Variants in STAG1 observed in about 807,000 individuals in gnomAD.
STAG1 encodes cohesin subunit SA-1.
STAG1 carries 26 observed loss-of-function variants against 170.9 expected under a neutral mutation model. That is an observed-to-expected ratio of 0.15 (90% CI 0.11 to 0.21). The LOEUF (loss-of-function observed/expected upper bound fraction) is 0.21, where lower values mean the gene tolerates loss of function less well. STAG1 is among the 10% of genes least tolerant of loss of function. The probability of loss-of-function intolerance (pLI) is 1.00; values close to 1 mark genes in which losing one functional copy is unlikely to be tolerated. For synonymous variants in STAG1, 514 were observed against 497.7 expected (o/e 1.03, Z -0.44); for missense variants, 964 against 1,509.5 (o/e 0.64, Z 5.99).
intron 1 of STAG1, among the ~76,000 whole-genome samples, chr3:136,718,718 A>G (rs1303986062): frequency 1.3e-5 from 2 of 152,106 alleles, no homozygotes; most frequent in African/African-American, 4.8e-5. Context: ...TGAGGTCCGG[A>G]GTTTGAGACC....
At chr3:136,368,387 T>G (rs966438863) in intron 24 of STAG1, among the ~76,000 whole-genome samples, 3 of 152,186 alleles carry the variant, frequency 2.0e-5, no homozygotes, top group Non-Finnish European at 4.4e-5. Context: ...CAATTTTCAC[T>G]AGTGAGGTTT....
chr3:136,342,652 T>C (rs1186552262), intron 30 of STAG1, among the ~76,000 whole-genome samples: 2 of 152,280 alleles, frequency 1.3e-5, no homozygotes, highest in African/African-American at 2.4e-5. Context: ...CATACATTTA[T>C]AGGATGTAAA....
At chr3:136,734,370 G>A (rs894027328) in intron 1 of STAG1, among the ~76,000 whole-genome samples, 26 of 152,096 alleles carry the variant, frequency 1.7e-4, no homozygotes, top group Non-Finnish European at 3.2e-4. Context: ...CTAAGATTGA[G>A]GAGGCAGACA....
At chr3:136,513,915 T>C (rs1346385075) in intron 7 of STAG1, among the ~76,000 whole-genome samples, 1 of 152,044 alleles carries the variant, frequency 6.6e-6, no homozygotes, top group Non-Finnish European at 1.5e-5. Context: ...AAATGAGGCA[T>C]AATTTTAAAA....
At chr3:136,528,495 C>CA (rs1553740664) in intron 6 of STAG1, among the ~76,000 whole-genome samples, 4 of 72,048 alleles carry the variant, frequency 5.6e-5, no homozygotes, top group African/African-American at 2.0e-4. Context: ...TGTCCCCGCA[C>CA]CCCCCCCCCC....
chr3:136,714,266 G>A (rs1256599829), intron 1 of STAG1, among the ~76,000 whole-genome samples: 1 of 152,084 alleles, frequency 6.6e-6, no homozygotes, highest in East Asian at 1.9e-4. Flanking sequence ...ACAGTATTTA[G>A]CAATAAAGAC....
chr3:136,541,391 T>A (rs1935891626), intron 6 of STAG1, among the ~76,000 whole-genome samples: 1 of 152,136 alleles, frequency 6.6e-6, no homozygotes. Context: ...TGTTTCTGCA[T>A]TTACAATCAC....
chr3:136,546,992 T>G (rs1441431782), intron 5 of STAG1, among the ~76,000 whole-genome samples: 1 of 152,172 alleles, frequency 6.6e-6, no homozygotes, highest in African/African-American at 2.4e-5. Flanking sequence ...CCACTAAGAT[T>G]TTCTCAACTC....
intron 23 of STAG1, among the ~76,000 whole-genome samples, chr3:136,370,670 T>C (rs1445628412): frequency 6.6e-6 from 1 of 152,210 alleles, no homozygotes; most frequent in East Asian, 1.9e-4. Flanking sequence ...TTCATCCATG[T>C]CCCTACAAAG....
chr3:136,416,321 C>G (rs1371851056), intron 21 of STAG1, among the ~76,000 whole-genome samples: 1 of 152,110 alleles, frequency 6.6e-6, no homozygotes, highest in Non-Finnish European at 1.5e-5. Context: ...AGCCACAAAA[C>G]TTTTAATGTC....
intron 22 of STAG1, among the ~76,000 whole-genome samples, chr3:136,386,368 G>C (rs1265638131): frequency 1.3e-5 from 2 of 151,878 alleles, no homozygotes; most frequent in Non-Finnish European, 2.9e-5. Flanking sequence ...TAAAATAAAA[G>C]TCTTGTCAGC....
chr3:136,637,438 T>A (rs1189450430), intron 1 of STAG1, among the ~76,000 whole-genome samples: 1 of 152,214 alleles, frequency 6.6e-6, no homozygotes, highest in East Asian at 1.9e-4. Flanking sequence ...AATGATGTGC[T>A]CAATGGGATA....
At chr3:136,570,251 C>T (rs1011289085) in intron 4 of STAG1, among the ~76,000 whole-genome samples, 1 of 152,122 alleles carries the variant, frequency 6.6e-6, no homozygotes, top group Non-Finnish European at 1.5e-5. Context: ...TATACTGATG[C>T]ATATTACCAT....
chr3:136,525,057 T>C (rs1406088388), intron 6 of STAG1, among the ~76,000 whole-genome samples: 1 of 151,986 alleles, frequency 6.6e-6, no homozygotes, highest in African/African-American at 2.4e-5. Flanking sequence ...TAAAGTTCTC[T>C]TTTTTTGTTA....
chr3:136,396,238 C>CA (rs1207800181), intron 22 of STAG1, among the ~76,000 whole-genome samples: 3 of 102,784 alleles, frequency 2.9e-5, no homozygotes, highest in African/African-American at 7.4e-5. Flanking sequence ...TTTTTTGAGA[C>CA]AGAGTCTCGC....
At chr3:136,700,570 C>A (rs529885261) in intron 1 of STAG1, among the ~76,000 whole-genome samples, 1 of 152,062 alleles carries the variant, frequency 6.6e-6, no homozygotes, top group African/African-American at 2.4e-5. Context: ...CAGGTGCCCG[C>A]TACCACGCCC....
intron 4 of STAG1, among the ~76,000 whole-genome samples, chr3:136,580,034 C>T (rs1485840562): frequency 7.9e-6 from 1 of 126,044 alleles, no homozygotes; most frequent in African/African-American, 3.1e-5. Context: ...GTGGTGCGAT[C>T]TCGGCTCACT....
At chr3:136,339,242 A>T (rs1935838911) in intron 32 of STAG1, among the ~76,000 whole-genome samples, 1 of 151,986 alleles carries the variant, frequency 6.6e-6, no homozygotes, top group Non-Finnish European at 1.5e-5. Context: ...GAAATGTGAT[A>T]AAAAAAATAA....
At chr3:136,550,880 T>A (rs1936353075) in intron 5 of STAG1, among the ~76,000 whole-genome samples, 1 of 152,166 alleles carries the variant, frequency 6.6e-6, no homozygotes, top group South Asian at 2.1e-4. Context: ...TTCTCACGGT[T>A]AGACAGGGTT....
Sources: gnomAD v4.1 joint callset for allele counts (sites outside exome capture counted in the v4.1 genomes callset) on GRCh38, gnomAD v4.1.1 for gene constraint, MANE v1.5 for transcripts, NCBI Gene and HGNC (gene_info 2026-07-23, HGNC 2026-07-21) for gene names.